The following BDP1 variants were observed in gnomAD, a reference collection of about 807,000 sequenced individuals.
The protein encoded by BDP1 is BDP1 general transcription factor IIIB subunit.
Under a neutral mutation model 266.6 loss-of-function variants are expected in BDP1, and 169 were observed. The ratio of observed to expected loss-of-function variants is 0.63; its 90% CI spans 0.56 to 0.72. The LOEUF is 0.72. Among genes scored for constraint, BDP1 ranks in the 30% least tolerant of loss-of-function variants. The probability of loss-of-function intolerance (pLI) is 0.00; values close to 1 mark genes in which losing one functional copy is unlikely to be tolerated. For synonymous variants in BDP1, 1,090 were observed against 1,022.4 expected, an observed-to-expected ratio of 1.07 and a Z score of -1.26; for missense variants, 3,015 against 3,053.8, an observed-to-expected ratio of 0.99 and a Z score of 0.30.
chr5:71,477,213 A>G (rs1762645553), intron 7 of BDP1, among the ~76,000 whole-genome samples: 1 of 151,280 alleles, frequency 6.6e-6, no homozygotes, highest in Non-Finnish European at 1.5e-5. Flanking sequence ...GCTGGAGTGC[A>G]GCGGTGCAAC....
chr5:71,544,257 A>G (rs1408889427), intron 30 of BDP1, 100 bp from the exon 31 acceptor site: 3 of 1,064,394 alleles, frequency 2.8e-6, no homozygotes, highest in Non-Finnish European at 2.7e-6. Context: ...TGGAAGAGTC[A>G]CTATATAGGA....
intron 32 of BDP1, among the ~76,000 whole-genome samples, chr5:71,547,366 TA>T (rs1228206489): frequency 6.6e-6 from 1 of 152,122 alleles, no homozygotes; most frequent in Admixed American, 6.5e-5. Flanking sequence ...AGATTCAACT[TA>T]CATATTTTAG....
chr5:71,540,232 T>C (rs1426561933), intron 28 of BDP1, among the ~76,000 whole-genome samples: 1 of 152,214 alleles, frequency 6.6e-6, no homozygotes, highest in Non-Finnish European at 1.5e-5. Flanking sequence ...TGAATAATTA[T>C]ACTATTCCTG....
Position 71,567,644 on chromosome 5 carries a change from A to G in BDP1, c.*2759A>G, listed in dbSNP as rs1744110182. The G allele has an allele frequency of 6.6e-6, 1 of 152,636 alleles. No homozygotes were observed. Among genetic ancestry groups the G allele is most frequent in the Admixed American group, 6.5e-5 (1 of 15,280 alleles). The allele number at this position is 152,636 out of a possible 1,614,324, so 9.5% of individuals were successfully genotyped here. On this transcript the variant is annotated 3_prime_UTR_variant, in exon 39 of 39. Transcript: ENST00000358731. ...TAAATGGTTGAGGCATGACAAAAAT[A>G]TTAATATCCACTGTTTACCATCATG...
intron 13 of BDP1, among the ~76,000 whole-genome samples, chr5:71,500,312 G>GTTTTTTTTTTTTTTTTTTT (rs1764150146): frequency 1.6e-5 from 1 of 64,264 alleles, no homozygotes; most frequent in African/African-American, 6.2e-5. Flanking sequence ...TTGTAATCTT[G>GTTTTTTTTTTTTTTTTTTT]TTTCTTTTTT....
At chr5:71,501,469 C>A in intron 13 of BDP1, 93 bp from the exon 14 acceptor site, 1 of 830,702 alleles carries the variant, frequency 1.2e-6, no homozygotes, top group Non-Finnish European at 2.0e-6. Context: ...CCACCGTGCC[C>A]GGCCAGTTCT....
chr5:71,472,861 T>C (rs960069639), intron 7 of BDP1, among the ~76,000 whole-genome samples: 7 of 151,112 alleles, frequency 4.6e-5, no homozygotes, highest in Admixed American at 1.3e-4. Context: ...TACTCTTTCA[T>C]TGATAATTTG....
At chr5:71,478,246 T>C (rs1354283692) in intron 7 of BDP1, among the ~76,000 whole-genome samples, 2 of 152,144 alleles carry the variant, frequency 1.3e-5, no homozygotes, top group African/African-American at 2.4e-5. Flanking sequence ...CAAAACTCTG[T>C]CTCAAAAACA....
At chr5:71,562,920 G>A (rs977048734) in intron 38 of BDP1, 25 of 1,262,610 alleles carry the variant, frequency 2.0e-5, no homozygotes, top group Non-Finnish European at 2.5e-5. Flanking sequence ...GGAAAACTCT[G>A]TAAACCTGTA....
At chr5:71,521,123 G>T (rs1765470037) in intron 22 of BDP1, among the ~76,000 whole-genome samples, 1 of 149,280 alleles carries the variant, frequency 6.7e-6, no homozygotes, top group South Asian at 2.1e-4. Context: ...GGAGGCGGAG[G>T]TTACAGTGAG....
chr5:71,544,039 C>T (rs373243642), intron 30 of BDP1, among the ~76,000 whole-genome samples: 3 of 152,210 alleles, frequency 2.0e-5, no homozygotes, highest in Admixed American at 6.5e-5. Context: ...AGCCCAACCT[C>T]GGTGTACCCA....
intron 7 of BDP1, among the ~76,000 whole-genome samples, chr5:71,470,872 A>G (rs1295389079): frequency 6.7e-6 from 1 of 149,974 alleles, no homozygotes; most frequent in Non-Finnish European, 1.5e-5. Flanking sequence ...ATTACAGGCT[A>G]GAGCCACCGT....
At chr5:71,495,869 T>C (rs900534006) in intron 12 of BDP1, among the ~76,000 whole-genome samples, 1 of 152,194 alleles carries the variant, frequency 6.6e-6, no homozygotes, top group Non-Finnish European at 1.5e-5. Context: ...AAAATCTCCC[T>C]TTGAAGAGGT....
At chr5:71,559,751 A>G (rs1743495514) in intron 36 of BDP1, among the ~76,000 whole-genome samples, 1 of 152,232 alleles carries the variant, frequency 6.6e-6, no homozygotes, top group East Asian at 1.9e-4. Flanking sequence ...TTTCTAGGCC[A>G]AAATATATTG....
At chr5:71,553,049 C>G in intron 34 of BDP1, 67 bp from the exon 35 acceptor site, 1 of 1,305,474 alleles carries the variant, frequency 7.7e-7, no homozygotes, top group South Asian at 1.4e-5. Context: ...TTCTAGGATC[C>G]TTTAAAAAAA....
At chr5:71,577,642 A>G in the BDP1 span, among the ~76,000 whole-genome samples, 31 of 152,230 alleles carry the variant, frequency 2.0e-4, no homozygotes, top group African/African-American at 7.5e-4. Context: ...ATATTGGTGA[A>G]TTACAAAACA....
At chr5:71,534,303 C>T (rs559186031) in intron 26 of BDP1, among the ~76,000 whole-genome samples, 1 of 152,294 alleles carries the variant, frequency 6.6e-6, no homozygotes, top group African/African-American at 2.4e-5. Flanking sequence ...TTGCATGTTG[C>T]TATCCATTTG....
At chr5:71,572,910 TG>T in the BDP1 span, among the ~76,000 whole-genome samples, 3 of 152,274 alleles carry the variant, frequency 2.0e-5, no homozygotes, top group East Asian at 5.8e-4. Context: ...AAGAATCTGT[TG>T]TCCCACCCAC....
chr5:71,471,134 G>A (rs942724951), intron 7 of BDP1, among the ~76,000 whole-genome samples: 5 of 146,478 alleles, frequency 3.4e-5, no homozygotes, highest in African/African-American at 1.0e-4. Context: ...TTGGTTAAGG[G>A]TAGCTTTTTT....
Sources: gnomAD v4.1 joint callset for allele counts (sites outside exome capture counted in the v4.1 genomes callset) on GRCh38, gnomAD v4.1.1 for gene constraint, MANE v1.5 for transcripts, NCBI Gene and HGNC (gene_info 2026-07-23, HGNC 2026-07-21) for gene names.